The following SMYD3 variants were observed in gnomAD, a reference collection of about 807,000 sequenced individuals.
SMYD3 encodes histone-lysine N-methyltransferase SMYD3.
SMYD3 carries 36 observed loss-of-function variants against 57.7 expected under a neutral mutation model. That is an observed-to-expected ratio of 0.62 (90% CI 0.48 to 0.82). The LOEUF (loss-of-function observed/expected upper bound fraction) is 0.82. Ranked by LOEUF, SMYD3 falls within the 40% of genes least tolerant of loss-of-function variation. The pLI is 0.00. For missense variants in SMYD3, 515 were observed against 538.8 expected, an observed-to-expected ratio of 0.96 and a Z score of 0.44; for synonymous variants, 211 against 195.0, an observed-to-expected ratio of 1.08 and a Z score of -0.68.
At chr1:245,912,880 TG>T (rs2055102409) in intron 8 of SMYD3, among the ~76,000 whole-genome samples, 1 of 152,202 alleles carries the variant, frequency 6.6e-6, no homozygotes, top group South Asian at 2.1e-4. Context: ...ACTGTGAGCC[TG>T]GAAACTATAA....
At chr1:245,812,480 G>A (rs112684313) in intron 10 of SMYD3, among the ~76,000 whole-genome samples, 4,518 of 152,068 alleles carry the variant, frequency 0.03, 220 homozygotes, top group African/African-American at 0.099. Flanking sequence ...TCTACGAGAG[G>A]GTGTGCCCAA....
chr1:246,183,345 A>G (rs1417291896), intron 5 of SMYD3, among the ~76,000 whole-genome samples: 2 of 151,938 alleles, frequency 1.3e-5, no homozygotes, highest in African/African-American at 2.4e-5. Flanking sequence ...CACAAACCCT[A>G]ATACAGTTTA....
In SMYD3 at chr1:246,285,681, G is replaced by A. The variant is rs187670550; in HGVS notation, c.531+41520C>T. Among the ~76,000 whole-genome samples the A allele has an allele frequency of 8.1e-3, 1,237 of 152,238 alleles. 17 individuals carry two copies. The highest frequency in any genetic ancestry group is 0.027 in the African/African-American group (1,133 of 41,512). Reference sequence around the variant, plus strand: ...ATTAAAGAGTTTTGGCATGGCAAAAGGAACAGTCAGCAGAGTAAACAGACA... The same window carrying A: ...ATTAAAGAGTTTTGGCATGGCAAAAAGAACAGTCAGCAGAGTAAACAGACA... On this transcript the variant is annotated intron_variant, in intron 5 of 11. Coordinates refer to ENST00000490107, the MANE Select transcript of SMYD3 (RefSeq NM_001167740.2).
intron 5 of SMYD3, among the ~76,000 whole-genome samples, chr1:246,130,709 G>T (rs2061574311): frequency 6.6e-6 from 1 of 152,140 alleles, no homozygotes; most frequent in Non-Finnish European, 1.5e-5. Context: ...TGACCTTTTT[G>T]TAAGAGACCA....
intron 10 of SMYD3, among the ~76,000 whole-genome samples, chr1:245,802,439 C>G (rs753981034): frequency 2.0e-5 from 3 of 152,184 alleles, no homozygotes; most frequent in Non-Finnish European, 2.9e-5. Flanking sequence ...TACTTGATAT[C>G]AAGGTCACAA....
At chr1:245,766,790 CA>C (rs2046126089) in intron 10 of SMYD3, among the ~76,000 whole-genome samples, 1 of 152,200 alleles carries the variant, frequency 6.6e-6, no homozygotes, top group Admixed American at 6.5e-5. Flanking sequence ...AGACAATCTT[CA>C]GTTCTACGAT....
chr1:246,019,360 C>T (rs1357300960), intron 5 of SMYD3, among the ~76,000 whole-genome samples: 1 of 152,224 alleles, frequency 6.6e-6, no homozygotes. Flanking sequence ...TGGAGTCTCT[C>T]AAACGCTTTA....
chr1:246,396,241 C>T (rs966981453), intron 1 of SMYD3, among the ~76,000 whole-genome samples: 1 of 152,170 alleles, frequency 6.6e-6, no homozygotes, highest in Non-Finnish European at 1.5e-5. Context: ...TATAGGTATA[C>T]GTACATCAAT....
At chr1:246,421,579 A>T (rs1259444340) in intron 1 of SMYD3, among the ~76,000 whole-genome samples, 1 of 152,200 alleles carries the variant, frequency 6.6e-6, no homozygotes, top group Non-Finnish European at 1.5e-5. Context: ...TATTTATAAG[A>T]CTTAAAATAC....
intron 5 of SMYD3, among the ~76,000 whole-genome samples, chr1:246,195,306 T>C (rs533883297): frequency 4.6e-5 from 7 of 152,308 alleles, no homozygotes; most frequent in Non-Finnish European, 7.4e-5. Context: ...ATAGGTATAA[T>C]GTCATTATCA....
Position 246,395,686 on chromosome 1 carries a change from G to GAGGA in SMYD3, c.165-40593_165-40592insTCCT, listed in dbSNP as rs1419420796. On this transcript the variant is annotated intron_variant, in intron 1 of 11. Transcript: ENST00000490107. ...GAACCCACCACAGTCAGACAGGGAAGACGAACCCACCATGGCTGGACAGGG... is the reference window on the plus strand; with the variant it reads ...GAACCCACCACAGTCAGACAGGGAAGAGGAACGAACCCACCATGGCTGGACAGGG... Among the ~76,000 whole-genome samples, 49 of 78,444 alleles carry GAGGA rather than the reference G, an allele frequency of 6.2e-4. 5 individuals carry two copies. The highest frequency in any genetic ancestry group is 1.2e-3 in the African/African-American group (31 of 25,836). 51.5% of individuals were successfully genotyped at this position (78,444 alleles called of 152,430 possible).
chr1:245,920,406 T>C (rs184635492), intron 7 of SMYD3, among the ~76,000 whole-genome samples: 1 of 151,980 alleles, frequency 6.6e-6, no homozygotes, highest in East Asian at 1.9e-4. Context: ...TGAATGTTTC[T>C]GTTAATACTG....
intron 10 of SMYD3, among the ~76,000 whole-genome samples, chr1:245,796,459 C>T (rs2047524332): frequency 6.6e-6 from 1 of 152,074 alleles, no homozygotes; most frequent in African/African-American, 2.4e-5. Flanking sequence ...CTTTAATGAA[C>T]AGTAAAGAAC....
At chr1:246,071,861 T>A (rs868121410) in intron 5 of SMYD3, among the ~76,000 whole-genome samples, 183 of 135,062 alleles carry the variant, frequency 1.4e-3, no homozygotes, top group African/African-American at 4.5e-3. Flanking sequence ...GAGGGATTCG[T>A]GTGCTTTCCG....
At chr1:246,130,638 GA>G (rs1353224811) in intron 5 of SMYD3, among the ~76,000 whole-genome samples, 1 of 150,276 alleles carries the variant, frequency 6.7e-6, no homozygotes, top group Non-Finnish European at 1.5e-5. Flanking sequence ...ATCACAAAAA[GA>G]AAATGCTGTT....
intron 1 of SMYD3, among the ~76,000 whole-genome samples, chr1:246,415,226 C>T (rs956574493): frequency 6.6e-6 from 1 of 152,130 alleles, no homozygotes; most frequent in Non-Finnish European, 1.5e-5. Flanking sequence ...ACAAAAACTG[C>T]CATGTCAGCT....
intron 1 of SMYD3, among the ~76,000 whole-genome samples, chr1:246,383,262 A>T (rs2066418790): frequency 6.6e-6 from 1 of 152,236 alleles, no homozygotes; most frequent in Non-Finnish European, 1.5e-5. Context: ...CCAGCTGGGA[A>T]TGCATTTGAA....
chr1:246,093,432 A>G (rs2060856318), intron 5 of SMYD3, among the ~76,000 whole-genome samples: 1 of 152,204 alleles, frequency 6.6e-6, no homozygotes, highest in Non-Finnish European at 1.5e-5. Flanking sequence ...AATATTACTC[A>G]GCCATAAAAA....
At chr1:246,165,149 G>C (rs1209150474) in intron 5 of SMYD3, among the ~76,000 whole-genome samples, 2 of 152,346 alleles carry the variant, frequency 1.3e-5, no homozygotes, top group African/African-American at 4.8e-5. Context: ...GGAGGATTGA[G>C]CAACATGGAG....
Sources: allele counts gnomAD v4.1 joint callset (sites outside exome capture counted in the v4.1 genomes callset), GRCh38; gene constraint gnomAD v4.1.1; transcripts MANE v1.5; gene names NCBI Gene and HGNC (gene_info 2026-07-23, HGNC 2026-07-21).